Variants in EGLN1 observed in about 807,000 individuals in gnomAD.
The protein encoded by EGLN1 is egl nine homolog 1.
A neutral mutation model predicts 38.3 loss-of-function variants in EGLN1; 17 were observed. The ratio of observed to expected loss-of-function variants is 0.44; its 90% confidence interval spans 0.30 to 0.67. The LOEUF is 0.67. Among genes scored for constraint, EGLN1 ranks in the 30% least tolerant of loss-of-function variants. The pLI, the probability that EGLN1 is intolerant of heterozygous loss-of-function variation, is 0.08. For missense variants in EGLN1, 477 were observed against 603.3 expected, an observed-to-expected ratio of 0.79 and a Z score of 2.19; for synonymous variants, 283 against 257.5, an observed-to-expected ratio of 1.10 and a Z score of -0.95.
At chr1:231,410,712 G>C (rs1216655757) in intron 1 of EGLN1, among the ~76,000 whole-genome samples, 1 of 151,990 alleles carries the variant, frequency 6.6e-6, no homozygotes, top group Non-Finnish European at 1.5e-5. Context: ...ACCATTGTAA[G>C]TTGAGGAAAA....
intron 1 of EGLN1, among the ~76,000 whole-genome samples, chr1:231,401,683 T>C (rs924741100): frequency 6.6e-6 from 1 of 152,174 alleles, no homozygotes; most frequent in Non-Finnish European, 1.5e-5. Context: ...TACTGCTAAA[T>C]AGTATCTCAT....
In EGLN1 at chr1:231,416,239, C is replaced by T. The variant is rs149776178; in HGVS notation, c.891+4759G>A. 2.8e-3 allele frequency among the ~76,000 whole-genome samples: 429 copies of T among 151,846 alleles called. 3 individuals carry two copies. Among genetic ancestry groups the T allele is most frequent in the African/African-American group, 9.9e-3 (408 of 41,390 alleles). ...TCTTGAATTCCTGGACTCAAGCTAT[C>T]GTCCCACCTCAGCCTCCCAGAGTGT... On this transcript the variant is annotated intron_variant, in intron 1 of 4. Transcript: ENST00000366641.
intron 1 of EGLN1, among the ~76,000 whole-genome samples, chr1:231,382,862 A>T (rs554768741): frequency 2.0e-5 from 3 of 152,110 alleles, no homozygotes; most frequent in Non-Finnish European, 4.4e-5. Flanking sequence ...GTTTGAGACC[A>T]GCCTGGCCAA....
intron 1 of EGLN1, among the ~76,000 whole-genome samples, chr1:231,405,938 T>G: frequency 6.6e-6 from 1 of 151,544 alleles, no homozygotes; most frequent in East Asian, 2.0e-4. Flanking sequence ...AAAAAACTAG[T>G]ATGAATTCTA....
intron 1 of EGLN1, among the ~76,000 whole-genome samples, chr1:231,380,624 A>G (rs1284379498): frequency 2.0e-5 from 3 of 152,182 alleles, no homozygotes; most frequent in African/African-American, 4.8e-5. Context: ...TGAAATTATT[A>G]GGTCTTAAAG....
intron 1 of EGLN1, among the ~76,000 whole-genome samples, chr1:231,397,736 T>C (rs2808599): frequency 0.55 from 82,930 of 152,054 alleles, 24,227 homozygotes; most frequent in Non-Finnish European, 0.65. Context: ...CTTAATAAAT[T>C]AGAATGTTGC....
rs764901725 is a variant in EGLN1, at chr1:231,366,507, C to A, written c.1217-32G>T. 5.0e-6 allele frequency: 8 copies of A among 1,595,324 alleles called. No homozygotes were observed. In the South Asian group the frequency reaches 5.5e-5, roughly 11 times the overall value. Reference sequence around the variant, plus strand: ...GGTAAAAAAAAAAAAAATTTTCATTCATTCACTAAGCACCAGAGAGCTTCT... The same window carrying A: ...GGTAAAAAAAAAAAAAATTTTCATTAATTCACTAAGCACCAGAGAGCTTCT... On this transcript the variant is annotated intron_variant, in intron 4 of 4. Coordinates refer to ENST00000366641, the MANE Select transcript of EGLN1 (RefSeq NM_022051.3).
chr1:231,386,097 C>T (rs900668738), intron 1 of EGLN1, among the ~76,000 whole-genome samples: 1 of 147,822 alleles, frequency 6.8e-6, no homozygotes, highest in Non-Finnish European at 1.5e-5. Context: ...ATTACAGGCA[C>T]GAACCACCAT....
intron 1 of EGLN1, among the ~76,000 whole-genome samples, chr1:231,408,763 T>A (rs1343554019): frequency 6.6e-6 from 1 of 152,004 alleles, no homozygotes; most frequent in Non-Finnish European, 1.5e-5. Flanking sequence ...ATCACGGTGA[T>A]GGGAAGTGCC....
intron 1 of EGLN1, among the ~76,000 whole-genome samples, chr1:231,380,315 CAAAA>C (rs35280417): frequency 3.9e-5 from 4 of 101,834 alleles, no homozygotes; most frequent in African/African-American, 1.2e-4. Context: ...GACTCCGTCT[CAAAA>C]AAAAAAAAAA....
intron 4 of EGLN1, 74 bp from the exon 5 acceptor site, chr1:231,366,549 G>T: frequency 7.2e-7 from 1 of 1,389,690 alleles, no homozygotes; most frequent in Non-Finnish European, 1.0e-6. Context: ...GCATTCCACT[G>T]AATTCCTAAG....
rs1418888212 is a variant in EGLN1, at chr1:231,366,286, TTC to T, written c.*123_*124del. 30 of 1,077,572 alleles carry T rather than the reference TTC, an allele frequency of 2.8e-5. No individual in the cohort carries two copies. Among genetic ancestry groups the T allele is most frequent in the East Asian group, 7.3e-5 (3 of 40,868 alleles). 66.8% of individuals were successfully genotyped at this position (1,077,572 alleles called of 1,614,324 possible). On this transcript the variant is annotated 3_prime_UTR_variant, in exon 5 of 5. Coordinates refer to ENST00000366641, the MANE Select transcript of EGLN1 (RefSeq NM_022051.3). Reference sequence around the variant, plus strand: ...TGTTTGATGCAACACAAAAAGTTGTTTCTGTTTCCTTATTAAAATGCGAACTG... The same window carrying T: ...TGTTTGATGCAACACAAAAAGTTGTTTGTTTCCTTATTAAAATGCGAACTG...
At chr1:231,416,809 C>A (rs1237552889) in intron 1 of EGLN1, among the ~76,000 whole-genome samples, 1 of 152,212 alleles carries the variant, frequency 6.6e-6, no homozygotes, top group East Asian at 1.9e-4. Flanking sequence ...TCAGTCCACA[C>A]GTCCCTTATA....
intron 1 of EGLN1, among the ~76,000 whole-genome samples, chr1:231,379,830 G>C (rs1438811567): frequency 6.6e-6 from 1 of 152,100 alleles, no homozygotes; most frequent in Admixed American, 6.5e-5. Context: ...ATAACAAAAC[G>C]ACACTGAACA....
intron 1 of EGLN1, among the ~76,000 whole-genome samples, chr1:231,391,092 T>TTTGTG (rs1553353098): frequency 7.4e-5 from 5 of 67,364 alleles, no homozygotes; most frequent in African/African-American, 2.4e-4. Context: ...TGTTTTTTTT[T>TTTGTG]TGTGTGTGTG....
At chr1:231,405,948 A>G (rs1423580035) in intron 1 of EGLN1, among the ~76,000 whole-genome samples, 2 of 150,088 alleles carry the variant, frequency 1.3e-5, no homozygotes, top group South Asian at 2.1e-4. Flanking sequence ...TATGAATTCT[A>G]GTTTCATTTT....
chr1:231,389,752 T>C (rs926002725), intron 1 of EGLN1, among the ~76,000 whole-genome samples: 1 of 152,068 alleles, frequency 6.6e-6, no homozygotes, highest in African/African-American at 2.4e-5. Context: ...ATTGAGACCA[T>C]CCTGCCCAAC....
intron 1 of EGLN1, among the ~76,000 whole-genome samples, chr1:231,388,053 C>T (rs1331225986): frequency 6.6e-6 from 1 of 152,208 alleles, no homozygotes; most frequent in African/African-American, 2.4e-5. Flanking sequence ...GATTGCTATA[C>T]ACTATTACAT....
chr1:231,396,431 T>TTA (rs1688532547), intron 1 of EGLN1, among the ~76,000 whole-genome samples: 1 of 152,022 alleles, frequency 6.6e-6, no homozygotes, highest in Admixed American at 6.5e-5. Flanking sequence ...TTTTTGTACT[T>TTA]TTAGTAGAGA....
Sources: gnomAD v4.1 joint callset for allele counts (sites outside exome capture counted in the v4.1 genomes callset) on GRCh38, gnomAD v4.1.1 for gene constraint, MANE v1.5 for transcripts, NCBI Gene and HGNC (gene_info 2026-07-23, HGNC 2026-07-21) for gene names.